The following L3MBTL4 variants were observed in gnomAD, a reference collection of about 807,000 sequenced individuals.
L3MBTL4 encodes the protein lethal(3)malignant brain tumor-like protein 4.
In L3MBTL4, 70 loss-of-function variants were observed where a neutral mutation model predicts 84.5. The ratio of observed to expected loss-of-function variants is 0.83; its 90% CI spans 0.68 to 1.01. The LOEUF (loss-of-function observed/expected upper bound fraction) is 1.01. Ranked by LOEUF, L3MBTL4 falls within the 50% of genes least tolerant of loss-of-function variation. The pLI, the probability that L3MBTL4 is intolerant of heterozygous loss-of-function variation, is 0.00. For missense variants in L3MBTL4, 715 were observed against 754.8 expected (o/e 0.95, Z 0.62); for synonymous variants, 274 against 259.8 (o/e 1.05, Z -0.52).
intron 1 of L3MBTL4, among the ~76,000 whole-genome samples, chr18:6,314,043 TA>T (rs1421805155): frequency 1.3e-4 from 6 of 47,834 alleles, no homozygotes; most frequent in African/African-American, 6.0e-4. Context: ...AGATGATAGA[TA>T]GATAGATAGA....
intron 4 of L3MBTL4, among the ~76,000 whole-genome samples, chr18:6,279,552 A>G (rs1352533284): frequency 6.6e-6 from 1 of 152,186 alleles, no homozygotes; most frequent in Non-Finnish European, 1.5e-5. Context: ...TTACTGGGAT[A>G]TTCATGTGAT....
At chr18:6,027,247 C>A (rs1568000143) in intron 16 of L3MBTL4, among the ~76,000 whole-genome samples, 2 of 152,146 alleles carry the variant, frequency 1.3e-5, no homozygotes, top group Non-Finnish European at 2.9e-5. Context: ...CATGTGTTCT[C>A]ATTGTTCAAC....
chr18:6,318,083 C>A (rs2147017816), intron 1 of L3MBTL4, among the ~76,000 whole-genome samples: 1 of 151,966 alleles, frequency 6.6e-6, no homozygotes, highest in South Asian at 2.1e-4. Flanking sequence ...CCAGACCAGC[C>A]CTACGAGAAA....
At chr18:5,992,825 C>T (rs1350816844) in intron 16 of L3MBTL4, among the ~76,000 whole-genome samples, 2 of 152,190 alleles carry the variant, frequency 1.3e-5, no homozygotes, top group African/African-American at 4.8e-5. Flanking sequence ...ACGCAGGTGC[C>T]GTCGCCATGC....
At chr18:6,098,524 G>A (rs2058713082) in intron 14 of L3MBTL4, among the ~76,000 whole-genome samples, 2 of 152,216 alleles carry the variant, frequency 1.3e-5, no homozygotes, top group African/African-American at 2.4e-5. Flanking sequence ...AAATAACCCA[G>A]AAGTCAGCAG....
chr18:6,039,350 G>A (rs901290140), intron 16 of L3MBTL4, among the ~76,000 whole-genome samples: 4 of 152,016 alleles, frequency 2.6e-5, no homozygotes, highest in East Asian at 1.9e-4. Flanking sequence ...AAGAAAATAC[G>A]CTGCTCCACC....
chr18:6,365,260 C>T (rs1156601016), intron 1 of L3MBTL4, among the ~76,000 whole-genome samples: 1 of 151,886 alleles, frequency 6.6e-6, no homozygotes, highest in Non-Finnish European at 1.5e-5. Flanking sequence ...ATGTTTTACA[C>T]AGGCAAAAAA....
intron 10 of L3MBTL4, among the ~76,000 whole-genome samples, chr18:6,226,689 C>T (rs573601730): frequency 5.3e-5 from 8 of 151,808 alleles, no homozygotes; most frequent in Middle Eastern, 3.4e-3. Context: ...AAGTAGACTG[C>T]GATAATAGGT....
chr18:6,016,317 C>T (rs973675036), intron 16 of L3MBTL4, among the ~76,000 whole-genome samples: 1 of 152,184 alleles, frequency 6.6e-6, no homozygotes, highest in Non-Finnish European at 1.5e-5. Context: ...GATACTGGGA[C>T]GCCAACTACA....
At chr18:6,258,612 G>A (rs1372399335) in intron 5 of L3MBTL4, 2 of 152,328 alleles carry the variant, frequency 1.3e-5, no homozygotes, top group Non-Finnish European at 2.9e-5. Context: ...TGGAAAGACA[G>A]TGGACAAAAT....
intron 14 of L3MBTL4, among the ~76,000 whole-genome samples, chr18:6,126,970 C>A (rs1298467533): frequency 1.3e-5 from 2 of 152,160 alleles, no homozygotes; most frequent in Non-Finnish European, 2.9e-5. Flanking sequence ...ACAAAGGAAT[C>A]AGATAAATGT....
rs552102211 is a variant in L3MBTL4 at position 6,315,604 on chromosome 18, T to C, written c.-90-3548A>G. Among the ~76,000 whole-genome samples, 10 of 152,346 alleles carry C rather than the reference T, an allele frequency of 6.6e-5. No individual in the cohort carries two copies. In the East Asian group the frequency reaches 1.9e-3, roughly 29 times the overall value. On this transcript the variant is annotated intron_variant, in intron 1 of 18. Transcript: ENST00000317931. ...GGCAAGTAACCAGACAGTACAATTC[T>C]GGGGTCCCTCTTTGAACACCATACT...
intron 16 of L3MBTL4, among the ~76,000 whole-genome samples, chr18:6,020,149 A>G (rs980913218): frequency 1.5e-4 from 23 of 152,304 alleles, no homozygotes; most frequent in African/African-American, 5.3e-4. Context: ...TATAGGGATT[A>G]TAGGATTTAT....
chr18:6,353,582 T>C lies in L3MBTL4; in HGVS notation c.-90-41526A>G, dbSNP rs559691696. ...AAAAAAATCTATTAGAAATGATAAA[T>C]TGAGTAAAGTTGCAGGATACTAAAT... is the stretch of plus-strand genomic sequence containing the variant. On this transcript the variant is annotated intron_variant, in intron 1 of 18. Transcript: ENST00000317931. Among the ~76,000 whole-genome samples the C allele has an allele frequency of 8.5e-5, 13 of 152,206 alleles. No homozygotes were observed. In the South Asian group the frequency reaches 2.1e-3, roughly 24 times the overall value.
At chr18:5,966,991 T>C (rs998603542) in intron 17 of L3MBTL4, among the ~76,000 whole-genome samples, 1 of 152,238 alleles carries the variant, frequency 6.6e-6, no homozygotes, top group Non-Finnish European at 1.5e-5. Context: ...AAGGCCCTGA[T>C]GGTTCCACTT....
At chr18:6,344,153 C>G (rs2052755468) in intron 1 of L3MBTL4, among the ~76,000 whole-genome samples, 1 of 151,774 alleles carries the variant, frequency 6.6e-6, no homozygotes, top group African/African-American at 2.4e-5. Flanking sequence ...TTTAGCCATA[C>G]TAACAATGAA....
intron 14 of L3MBTL4, among the ~76,000 whole-genome samples, chr18:6,119,805 A>G (rs539544453): frequency 6.6e-6 from 1 of 152,296 alleles, no homozygotes; most frequent in African/African-American, 2.4e-5. Context: ...AAGAAAAAAC[A>G]TTTCTCTACC....
intron 4 of L3MBTL4, among the ~76,000 whole-genome samples, chr18:6,295,338 C>CTATATA (rs1397490274): frequency 7.9e-6 from 1 of 126,530 alleles, no homozygotes; most frequent in South Asian, 2.5e-4. Flanking sequence ...CTCTCTCTCT[C>CTATATA]TCTCTCTCTA....
intron 14 of L3MBTL4, among the ~76,000 whole-genome samples, chr18:6,113,658 C>A (rs1212652498): frequency 2.0e-5 from 3 of 152,002 alleles, no homozygotes; most frequent in African/African-American, 4.8e-5. Flanking sequence ...ACATATTTAC[C>A]AATTCACTTG....
Sources: gnomAD v4.1 joint callset for allele counts (sites outside exome capture counted in the v4.1 genomes callset) on GRCh38, gnomAD v4.1.1 for gene constraint, MANE v1.5 for transcripts, NCBI Gene and HGNC (gene_info 2026-07-23, HGNC 2026-07-21) for gene names.